The following DNAJC13 variants were observed in gnomAD, a reference collection of about 807,000 sequenced individuals.
The protein encoded by DNAJC13 is DnaJ heat shock protein family (Hsp40) member C13, also known as dnaJ homolog subfamily C member 13.
In DNAJC13, 75 loss-of-function variants were observed where a neutral mutation model predicts 290.5. That is an observed-to-expected ratio of 0.26 (90% CI 0.21 to 0.31). DNAJC13 has a LOEUF of 0.31. DNAJC13 is among the 10% of genes least tolerant of loss of function. DNAJC13 has a pLI of 1.00. For synonymous variants in DNAJC13, 862 were observed against 892.0 expected, an observed-to-expected ratio of 0.97 and a Z score of 0.60; for missense variants, 2,260 against 2,674.5, an observed-to-expected ratio of 0.85 and a Z score of 3.42.
intron 38 of DNAJC13, 99 bp from the exon 39 acceptor site, chr3:132,500,695 G>A (rs1935379971): frequency 2.7e-6 from 4 of 1,491,670 alleles, no homozygotes; most frequent in South Asian, 2.4e-5. Flanking sequence ...ATACCATTAA[G>A]CATTATTCAC....
In DNAJC13 at chr3:132,457,342, G is replaced by A. The variant is rs778855265; in HGVS notation, c.1423G>A (p.Val475Ile). The change falls in exon 13 of 56, where the codon GTT (valine) becomes ATT (isoleucine). Residue 475 changes from valine to isoleucine, a missense_variant. By Grantham distance (29) the Val-to-Ile change is conservative. Around this residue, in one of 3 missense-constraint regions of DNAJC13, gnomAD observed 762 missense variants for 964.1 expected, o/e 0.79. Coordinates refer to ENST00000260818, the MANE Select transcript of DNAJC13 (RefSeq NM_015268.4). Reference protein sequence around the residue: ...RSNNGIIHAAVDMLCALMCPM... With the variant: ...RSNNGIIHAAIDMLCALMCPM... ...CAACAACGGAATAATCCATGCAGCA[G>A]TTGATATGCTTTGTGCCCTTATGTG... 7 of 1,613,618 alleles carry A rather than the reference G, an allele frequency of 4.3e-6. No homozygotes were observed. The highest frequency in any genetic ancestry group is 2.2e-5 in the East Asian group (1 of 44,858).
intron 1 of DNAJC13, among the ~76,000 whole-genome samples, chr3:132,422,000 C>G (rs1318815502): frequency 2.0e-5 from 3 of 151,684 alleles, no homozygotes; most frequent in African/African-American, 7.3e-5. Context: ...GACTAACCAA[C>G]TAAGCATTTG....
At chr3:132,475,822 G>A (rs539858407) in intron 22 of DNAJC13, among the ~76,000 whole-genome samples, 6 of 152,180 alleles carry the variant, frequency 3.9e-5, no homozygotes, top group African/African-American at 1.4e-4. Context: ...TCATCTCGCT[G>A]ACCACTAAAT....
chr3:132,513,055 C>A lies in DNAJC13; in HGVS notation c.5341C>A (p.Leu1781Ile), dbSNP rs1401078885. 1.2e-6 allele frequency: 2 copies of A among 1,613,360 alleles called. No individual in the cohort carries two copies. Among genetic ancestry groups the A allele is most frequent in the East Asian group, 2.2e-5 (1 of 44,866 alleles). Reference sequence around the variant, plus strand: ...GCACTTTAAGTTGATATTTTCTCTTCTCCGAGTTCATGGAGCTGGTCAAGT... The same window carrying A: ...GCACTTTAAGTTGATATTTTCTCTTATCCGAGTTCATGGAGCTGGTCAAGT... ...IGHFKLIFSL[L>I]RVHGAGQVQQ... Residue 1781 changes from leucine (L) to isoleucine (I), a missense_variant, in exon 45 of 56, where the codon CTC becomes ATC. By Grantham distance (5) the Leu-to-Ile change is conservative. Around this residue, in one of 3 missense-constraint regions of DNAJC13, gnomAD observed 1,494 missense variants for 1,693.7 expected, o/e 0.88. Coordinates refer to ENST00000260818, the MANE Select transcript of DNAJC13 (RefSeq NM_015268.4).
At chr3:132,477,736 T>C in intron 22 of DNAJC13, 53 bp from the exon 23 acceptor site, 1 of 1,355,588 alleles carries the variant, frequency 7.4e-7, no homozygotes, top group East Asian at 2.3e-5. Context: ...TTATTAGAAA[T>C]TGCCAAAATC....
At chr3:132,453,178 T>C (rs957033156) in intron 6 of DNAJC13, 120 bp from the exon 7 acceptor site, 5 of 828,074 alleles carry the variant, frequency 6.0e-6, no homozygotes, top group Admixed American at 2.8e-5. Context: ...TATTTGCCTC[T>C]AATACCTACC....
At chr3:132,496,235 T>A (rs1256761552) in intron 35 of DNAJC13, among the ~76,000 whole-genome samples, 1 of 152,178 alleles carries the variant, frequency 6.6e-6, no homozygotes, top group Admixed American at 6.5e-5. Flanking sequence ...TTTTGTTATA[T>A]AGACGCAAAC....
At chr3:132,420,551 C>G (rs563120946) in intron 1 of DNAJC13, among the ~76,000 whole-genome samples, 89 of 151,536 alleles carry the variant, frequency 5.9e-4, no homozygotes, top group African/African-American at 2.1e-3. Context: ...GTATCCCCCA[C>G]CCCCAACCCC....
intron 48 of DNAJC13, among the ~76,000 whole-genome samples, chr3:132,520,370 G>A (rs923782120): frequency 2.0e-5 from 3 of 152,150 alleles, no homozygotes; most frequent in African/African-American, 7.2e-5. Flanking sequence ...AACATAACTG[G>A]AGATTTATGG....
intron 29 of DNAJC13, among the ~76,000 whole-genome samples, chr3:132,485,649 G>A (rs1266399996): frequency 6.6e-6 from 1 of 152,206 alleles, no homozygotes; most frequent in African/African-American, 2.4e-5. Context: ...GCAGGCCACA[G>A]GGGTGGACTT....
At chr3:132,431,881 G>C (rs568438289) in intron 1 of DNAJC13, among the ~76,000 whole-genome samples, 4 of 152,236 alleles carry the variant, frequency 2.6e-5, no homozygotes, top group African/African-American at 7.2e-5. Context: ...TATAATGGGG[G>C]GTGACCGCTA....
chr3:132,501,177 A>G (rs1935397321), intron 39 of DNAJC13, among the ~76,000 whole-genome samples: 1 of 152,144 alleles, frequency 6.6e-6, no homozygotes, highest in African/African-American at 2.4e-5. Context: ...CAGGGAGAAA[A>G]GAGAAGCCTG....
chr3:132,531,883 T>C (rs1250509671), intron 55 of DNAJC13, among the ~76,000 whole-genome samples: 1 of 151,954 alleles, frequency 6.6e-6, no homozygotes, highest in African/African-American at 2.4e-5. Context: ...TTTATGGGGG[T>C]GGAATACATA....
At chr3:132,426,919 G>A (rs924740595) in intron 1 of DNAJC13, among the ~76,000 whole-genome samples, 1 of 151,462 alleles carries the variant, frequency 6.6e-6, no homozygotes, top group African/African-American at 2.4e-5. Context: ...ACCTAAGTGG[G>A]GAATATTAAA....
rs1273970825 is a variant in DNAJC13, at chr3:132,492,558, T to C, written c.3768T>C (p.Tyr1256=). ...QLENELFCNI[Y]YLKQLCDTLR... ...AAAATGAACTATTTTGTAATATTTA[T>C]TACCTCAAACAACTGTGTGATACAC... The change falls in exon 33 of 56, where the codon TAT becomes TAC. Residue 1256 remains tyrosine, a synonymous_variant. Transcript: ENST00000260818. 6 of 1,613,790 alleles carry C rather than the reference T, an allele frequency of 3.7e-6. No individual in the cohort carries two copies. Among genetic ancestry groups the C allele is most frequent in the Non-Finnish European group, 5.1e-6 (6 of 1,179,784 alleles).
intron 41 of DNAJC13, among the ~76,000 whole-genome samples, chr3:132,504,932 T>G (rs1935537476): frequency 6.6e-6 from 1 of 152,212 alleles, no homozygotes; most frequent in Non-Finnish European, 1.5e-5. Context: ...ATAAAGGTAT[T>G]ATGTTGTGAT....
chr3:132,484,445 C>T, intron 28 of DNAJC13, 143 bp from the exon 29 acceptor site: 1 of 688,732 alleles, frequency 1.5e-6, no homozygotes. Flanking sequence ...AATACCTAAT[C>T]ATGTTCCCAG....
In DNAJC13 at chr3:132,522,191, G is replaced by A. The variant is rs556625026; in HGVS notation, c.5674-637G>A. 5.6e-4 allele frequency among the ~76,000 whole-genome samples: 85 copies of A among 152,258 alleles called. 1 individual carries two copies. Among genetic ancestry groups the A allele is most frequent in the African/African-American group, 1.9e-3 (79 of 41,556 alleles). On this transcript the variant is annotated intron_variant, in intron 48 of 55. Transcript: ENST00000260818. ...ATTTGAGCCCAGAATTTGACACGGA[G>A]AAGAGATAAACGTGACGATCTGAAG...
At chr3:132,463,336 C>A (rs954526224) in intron 16 of DNAJC13, among the ~76,000 whole-genome samples, 3 of 152,136 alleles carry the variant, frequency 2.0e-5, no homozygotes, top group African/African-American at 7.2e-5. Context: ...CTAATGGGTT[C>A]TTTGCTCAAT....
Sources: gnomAD v4.1 joint callset for allele counts (sites outside exome capture counted in the v4.1 genomes callset) on GRCh38, gnomAD v4.1.1 for gene constraint, gnomAD v4.1.1 regional missense constraint, MANE v1.5 for transcripts, NCBI Gene and HGNC (gene_info 2026-07-23, HGNC 2026-07-21) for gene names.